Variants in IMMP2L observed in about 807,000 individuals in gnomAD.
IMMP2L encodes mitochondrial inner membrane protease subunit 2.
Under a neutral mutation model 19.3 loss-of-function variants are expected in IMMP2L, and 18 were observed. The ratio of observed to expected loss-of-function variants is 0.93; its 90% confidence interval spans 0.64 to 1.38. The LOEUF (loss-of-function observed/expected upper bound fraction) is 1.38. Among genes scored for constraint, IMMP2L ranks in the 40% most tolerant of loss-of-function variants. The probability of loss-of-function intolerance (pLI) is 0.00; values close to 1 mark genes in which losing one functional copy is unlikely to be tolerated. For synonymous variants in IMMP2L, 76 were observed against 73.0 expected (o/e 1.04, Z -0.21); for missense variants, 233 against 218.2 (o/e 1.07, Z -0.43).
At chr7:110,878,674 A>T (rs1250781854) in intron 5 of IMMP2L, among the ~76,000 whole-genome samples, 1 of 152,068 alleles carries the variant, frequency 6.6e-6, no homozygotes, top group Non-Finnish European at 1.5e-5. Flanking sequence ...CAACATAGTG[A>T]TTGCTGAAAT....
rs142314154 is a variant in IMMP2L, at chr7:111,261,756, A to T, written c.239+225482T>A. The stretch of plus-strand genomic sequence containing the variant: ...ATGATTCAGATAGGCCATTTCAGGC[A>T]TAAAAATTCAGAAACAAAATGCATT... On this transcript the variant is annotated intron_variant, in intron 3 of 5. Coordinates refer to ENST00000405709, the MANE Select transcript of IMMP2L (RefSeq NM_032549.4). Among the ~76,000 whole-genome samples, 369 of 152,280 alleles carry T rather than the reference A, an allele frequency of 2.4e-3. 1 individual carries two copies. The highest frequency in any genetic ancestry group is 0.014 in the Middle Eastern group (4 of 294).
At chr7:110,785,383 A>T (rs1438523472) in intron 5 of IMMP2L, among the ~76,000 whole-genome samples, 1 of 151,976 alleles carries the variant, frequency 6.6e-6, no homozygotes, top group Non-Finnish European at 1.5e-5. Context: ...GGCTGGATTT[A>T]AAAATGGTTC....
intron 3 of IMMP2L, among the ~76,000 whole-genome samples, chr7:110,981,500 A>G (rs552672746): frequency 6.6e-5 from 10 of 151,964 alleles, no homozygotes; most frequent in South Asian, 6.2e-4. Context: ...TTAAAATAAA[A>G]TTTCTGTGTT....
intron 5 of IMMP2L, among the ~76,000 whole-genome samples, chr7:110,853,207 A>AAAATTTGT (rs1806422273): frequency 6.6e-6 from 1 of 151,920 alleles, no homozygotes. Context: ...AAATGCACAA[A>AAAATTTGT]AAATCATGAT....
chr7:111,385,011 A>G (rs1831592332), intron 3 of IMMP2L, among the ~76,000 whole-genome samples: 1 of 152,174 alleles, frequency 6.6e-6, no homozygotes, highest in South Asian at 2.1e-4. Flanking sequence ...GGCCTTATTC[A>G]TCAACCAATA....
At chr7:110,753,118 G>A (rs1797828670) in intron 5 of IMMP2L, among the ~76,000 whole-genome samples, 1 of 152,140 alleles carries the variant, frequency 6.6e-6, no homozygotes, top group South Asian at 2.1e-4. Flanking sequence ...GGAGCAGAAG[G>A]TAAGGAGAAT....
At chr7:110,950,877 T>C (rs1817760883) in intron 4 of IMMP2L, among the ~76,000 whole-genome samples, 1 of 144,852 alleles carries the variant, frequency 6.9e-6, no homozygotes, top group African/African-American at 2.6e-5. Flanking sequence ...TATATGTATA[T>C]ATATGCACCA....
chr7:110,859,559 A>T (rs982861905), intron 5 of IMMP2L, among the ~76,000 whole-genome samples: 1 of 151,806 alleles, frequency 6.6e-6, no homozygotes, highest in Non-Finnish European at 1.5e-5. Flanking sequence ...CCTGGGCAAC[A>T]TGGAGAAATC....
At chr7:111,319,509 G>A (rs1824454939) in intron 3 of IMMP2L, among the ~76,000 whole-genome samples, 1 of 152,056 alleles carries the variant, frequency 6.6e-6, no homozygotes, top group Non-Finnish European at 1.5e-5. Flanking sequence ...GGAAGAAGCA[G>A]AGTCATAAGA....
intron 5 of IMMP2L, among the ~76,000 whole-genome samples, chr7:110,713,009 C>G (rs535561663): frequency 6.6e-6 from 1 of 152,248 alleles, no homozygotes; most frequent in East Asian, 1.9e-4. Context: ...CGGAGCTGTT[C>G]CTATTCGGCC....
At chr7:110,955,518 C>T (rs1818275499) in intron 4 of IMMP2L, among the ~76,000 whole-genome samples, 1 of 151,652 alleles carries the variant, frequency 6.6e-6, no homozygotes, top group Non-Finnish European at 1.5e-5. Flanking sequence ...GGTCAGACCC[C>T]AAGCAGTAAA....
intron 3 of IMMP2L, among the ~76,000 whole-genome samples, chr7:111,263,611 G>T (rs1817545762): frequency 6.6e-6 from 1 of 152,060 alleles, no homozygotes; most frequent in Non-Finnish European, 1.5e-5. Context: ...GATAAATTTG[G>T]GAGTCATCAG....
At chr7:110,969,743 G>A (rs1819941540) in intron 3 of IMMP2L, among the ~76,000 whole-genome samples, 1 of 152,044 alleles carries the variant, frequency 6.6e-6, no homozygotes, top group African/African-American at 2.4e-5. Flanking sequence ...GATGGAATAA[G>A]AAAGGTATGG....
intron 3 of IMMP2L, among the ~76,000 whole-genome samples, chr7:111,078,148 T>C (rs1289063657): frequency 1.3e-5 from 2 of 152,222 alleles, no homozygotes; most frequent in Non-Finnish European, 2.9e-5. Context: ...CCAAGTAACA[T>C]TTCTGAAAAC....
At chr7:110,958,383 T>A (rs565693592) in intron 4 of IMMP2L, among the ~76,000 whole-genome samples, 1 of 152,166 alleles carries the variant, frequency 6.6e-6, no homozygotes, top group South Asian at 2.1e-4. Context: ...TGTGCAAGGA[T>A]GTTCATTAAA....
intron 3 of IMMP2L, among the ~76,000 whole-genome samples, chr7:111,265,679 AAAGGTCTGCTTAGAAATTGCTC>A (rs1459970048): frequency 6.6e-6 from 1 of 152,148 alleles, no homozygotes; most frequent in Non-Finnish European, 1.5e-5. Context: ...CAGGCCCAAG[AAAGGTCTGCTTAGAAATTGCTC>A]AAGATTTCAG....
intron 2 of IMMP2L, among the ~76,000 whole-genome samples, chr7:111,499,449 G>A (rs747685296): frequency 9.2e-5 from 14 of 152,226 alleles, no homozygotes; most frequent in South Asian, 2.1e-4. Flanking sequence ...ATTCATATCC[G>A]TTAATTCATG....
intron 5 of IMMP2L, among the ~76,000 whole-genome samples, chr7:110,795,297 T>A (rs535128842): frequency 1.4e-4 from 21 of 152,200 alleles, no homozygotes; most frequent in African/African-American, 4.6e-4. Flanking sequence ...TCAGTATTTG[T>A]CACATGATTA....
At chr7:110,838,582 A>G (rs538700764) in intron 5 of IMMP2L, among the ~76,000 whole-genome samples, 4 of 151,834 alleles carry the variant, frequency 2.6e-5, no homozygotes, top group African/African-American at 7.3e-5. Context: ...GCTTTATAAG[A>G]TAAAGACCCG....
Sources: allele counts gnomAD v4.1 joint callset (sites outside exome capture counted in the v4.1 genomes callset), GRCh38; gene constraint gnomAD v4.1.1; transcripts MANE v1.5; gene names NCBI Gene and HGNC (gene_info 2026-07-23, HGNC 2026-07-21).